Variants in DACH1 observed in about 807,000 individuals in gnomAD.
DACH1 encodes dachshund homolog 1.
DACH1 carries 12 observed loss-of-function variants against 54.2 expected under a neutral mutation model. The ratio of observed to expected loss-of-function variants is 0.22; its 90% CI spans 0.14 to 0.36. DACH1 has a LOEUF of 0.36. DACH1 is among the 10% of genes least tolerant of loss of function. The probability of loss-of-function intolerance (pLI) is 1.00; values close to 1 mark genes in which losing one functional copy is unlikely to be tolerated. For missense variants in DACH1, 805 were observed against 929.8 expected (o/e 0.87, Z 1.75); for synonymous variants, 386 against 366.2 (o/e 1.05, Z -0.62).
chr13:71,571,606 CT>C (rs1190723191), intron 4 of DACH1, among the ~76,000 whole-genome samples: 1 of 151,902 alleles, frequency 6.6e-6, no homozygotes, highest in African/African-American at 2.4e-5. Flanking sequence ...ATTTTTTCCT[CT>C]GGTATTGATA....
At chr13:71,718,091 G>A (rs967459817) in intron 1 of DACH1, among the ~76,000 whole-genome samples, 5 of 151,916 alleles carry the variant, frequency 3.3e-5, no homozygotes, top group Non-Finnish European at 7.4e-5. Flanking sequence ...TGAAGGATTC[G>A]AAAGTCCAGA....
chr13:71,825,088 A>G (rs1239326674), intron 1 of DACH1, among the ~76,000 whole-genome samples: 2 of 152,104 alleles, frequency 1.3e-5, no homozygotes, highest in African/African-American at 4.8e-5. Context: ...ACATACCAAA[A>G]TTGATGGATT....
At chr13:71,588,048 T>C (rs1392998624) in intron 3 of DACH1, among the ~76,000 whole-genome samples, 1 of 152,158 alleles carries the variant, frequency 6.6e-6, no homozygotes, top group Non-Finnish European at 1.5e-5. Context: ...CTTTAGCGAT[T>C]AATTTTGATG....
chr13:71,631,516 G>A (rs932617777), intron 2 of DACH1, among the ~76,000 whole-genome samples: 1 of 152,140 alleles, frequency 6.6e-6, no homozygotes, highest in South Asian at 2.1e-4. Flanking sequence ...AGTGTTTAAG[G>A]TGTTAAAAAA....
chr13:71,768,295 A>G (rs1161629877), intron 1 of DACH1, among the ~76,000 whole-genome samples: 9 of 137,774 alleles, frequency 6.5e-5, no homozygotes, highest in East Asian at 3.9e-4. Context: ...TGGAACAAGT[A>G]TAAGGCCACA....
Position 71,841,217 on chromosome 13 carries a change from A to C in DACH1, c.848+24705T>G, listed in dbSNP as rs1872817460. Among the ~76,000 whole-genome samples the C allele has an allele frequency of 2.0e-5, 3 of 152,172 alleles. No homozygotes were observed. The South Asian group carries it at 6.2e-4, about 31-fold the overall frequency. ...CAATATTTTCTTCCCAGGGTTTCTA[A>C]CAGCATTAATATAAAATTTAATACG... is the stretch of plus-strand genomic sequence containing the variant. On this transcript the variant is annotated intron_variant, in intron 1 of 10. Coordinates refer to ENST00000613252, the MANE Select transcript of DACH1 (RefSeq NM_080759.6).
intron 10 of DACH1, among the ~76,000 whole-genome samples, chr13:71,470,058 T>G (rs1051544381): frequency 9.9e-5 from 15 of 152,200 alleles, no homozygotes; most frequent in Admixed American, 1.3e-4. Context: ...TTTTCTTGGT[T>G]TTAAAAAACT....
At chr13:71,456,725 C>T (rs984037479) in intron 10 of DACH1, among the ~76,000 whole-genome samples, 1 of 151,946 alleles carries the variant, frequency 6.6e-6, no homozygotes, top group African/African-American at 2.4e-5. Flanking sequence ...CTCAGGAAAA[C>T]CTACTTGCAT....
intron 2 of DACH1, among the ~76,000 whole-genome samples, chr13:71,653,556 T>C (rs1878831067): frequency 6.6e-6 from 1 of 152,204 alleles, no homozygotes; most frequent in Admixed American, 6.5e-5. Flanking sequence ...TTATCGCACC[T>C]GCTAGGAGAG....
chr13:71,795,476 G>A (rs375877042), intron 1 of DACH1, among the ~76,000 whole-genome samples: 4 of 152,114 alleles, frequency 2.6e-5, no homozygotes, highest in South Asian at 4.2e-4. Context: ...TTCGAGGGAG[G>A]GCTGGTAACT....
At chr13:71,608,720 T>C (rs1875076875) in intron 3 of DACH1, among the ~76,000 whole-genome samples, 1 of 152,136 alleles carries the variant, frequency 6.6e-6, no homozygotes, top group African/African-American at 2.4e-5. Context: ...ATAATGATTC[T>C]TCAAAAGGAA....
chr13:71,805,638 G>A (rs181985310), intron 1 of DACH1, among the ~76,000 whole-genome samples: 159 of 152,188 alleles, frequency 1.0e-3, no homozygotes, highest in South Asian at 5.6e-3. Context: ...ATATAGAACT[G>A]AAATGCACTG....
chr13:71,708,852 GT>G (rs11322352), intron 1 of DACH1, among the ~76,000 whole-genome samples: 18,912 of 120,042 alleles, frequency 0.16, 2,950 homozygotes, highest in African/African-American at 0.52. Context: ...GTTTTTTGTT[GT>G]TTTTTTTTTT....
At chr13:71,557,984 T>C (rs1884359172) in intron 5 of DACH1, among the ~76,000 whole-genome samples, 1 of 151,904 alleles carries the variant, frequency 6.6e-6, no homozygotes, top group Non-Finnish European at 1.5e-5. Flanking sequence ...AAAAAAAATC[T>C]TGCTTTAAAA....
At chr13:71,803,532 T>G (rs1395839408) in intron 1 of DACH1, among the ~76,000 whole-genome samples, 1 of 152,162 alleles carries the variant, frequency 6.6e-6, no homozygotes, top group Non-Finnish European at 1.5e-5. Context: ...GCTTAACAAT[T>G]GTAACTACTA....
chr13:71,563,298 T>C (rs1415016362), intron 4 of DACH1, among the ~76,000 whole-genome samples: 1 of 152,034 alleles, frequency 6.6e-6, no homozygotes, highest in African/African-American at 2.4e-5. Context: ...CATGTTTGGC[T>C]GAACAGACAT....
intron 2 of DACH1, among the ~76,000 whole-genome samples, chr13:71,648,977 A>G (rs1034066559): frequency 3.9e-5 from 6 of 152,214 alleles, no homozygotes; most frequent in African/African-American, 1.4e-4. Context: ...CTCAGGATCA[A>G]TAATGGAACT....
chr13:71,789,172 C>A (rs1886729079), intron 1 of DACH1, among the ~76,000 whole-genome samples: 1 of 152,178 alleles, frequency 6.6e-6, no homozygotes, highest in African/African-American at 2.4e-5. Context: ...TTATTTAATT[C>A]TGTTTACTTT....
At chr13:71,516,980 GTATACTCTCA>G in intron 6 of DACH1, among the ~76,000 whole-genome samples, 1 of 151,442 alleles carries the variant, frequency 6.6e-6, no homozygotes, top group Admixed American at 6.6e-5. Flanking sequence ...AAATACATGA[GTATACTCTCA>G]TATACCTTAG....
Sources: gnomAD v4.1 joint callset for allele counts (sites outside exome capture counted in the v4.1 genomes callset) on GRCh38, gnomAD v4.1.1 for gene constraint, MANE v1.5 for transcripts, NCBI Gene and HGNC (gene_info 2026-07-23, HGNC 2026-07-21) for gene names.